The following SEZ6L variants were observed in gnomAD, a reference collection of about 807,000 sequenced individuals.
SEZ6L encodes the protein seizure related 6 homolog like.
SEZ6L carries 37 observed loss-of-function variants against 106.2 expected under a neutral mutation model. The observed-to-expected ratio is 0.35, with a 90% CI of 0.27 to 0.46. SEZ6L has a LOEUF of 0.46. Ranked by LOEUF, SEZ6L falls within the 20% of genes least tolerant of loss-of-function variation. The probability of loss-of-function intolerance (pLI) is 1.00; values close to 1 mark genes in which losing one functional copy is unlikely to be tolerated. For synonymous variants in SEZ6L, 541 were observed against 570.4 expected (o/e 0.95, Z 0.73); for missense variants, 1,172 against 1,332.8 (o/e 0.88, Z 1.88).
At chr22:26,369,557 G>A (rs1298807888) in intron 13 of SEZ6L, among the ~76,000 whole-genome samples, 2 of 151,420 alleles carry the variant, frequency 1.3e-5, no homozygotes, top group Non-Finnish European at 2.9e-5. Context: ...AGCCAGGATG[G>A]TCTCGATCTC....
In SEZ6L at chr22:26,282,200, T is replaced by C. The variant is rs555663462; in HGVS notation, c.95-10206T>C. ...ACACTCTATGTTATTCACCAGTGAC[T>C]TCATCTCATTCCTTTAAACCCTGCA... On this transcript the variant is annotated intron_variant, in intron 1 of 16. Coordinates refer to ENST00000248933, the MANE Select transcript of SEZ6L (RefSeq NM_021115.5). Among the ~76,000 whole-genome samples the C allele has an allele frequency of 7.9e-5, 12 of 152,348 alleles. No individual in the cohort carries two copies. In the South Asian group the frequency reaches 2.3e-3, roughly 29 times the overall value.
chr22:26,208,850 CTGTGTGTGTGTGTGTGTGTG>C (rs35483380), intron 1 of SEZ6L, among the ~76,000 whole-genome samples: 407 of 111,804 alleles, frequency 3.6e-3, no homozygotes, highest in Middle Eastern at 8.8e-3. Flanking sequence ...GACTCTCTCT[CTGTGTGTGTGTGTGTGTGTG>C]TGTGTGTGTG....
chr22:26,318,668 C>T (rs2082073210), intron 9 of SEZ6L, among the ~76,000 whole-genome samples: 1 of 152,082 alleles, frequency 6.6e-6, no homozygotes, highest in South Asian at 2.1e-4. Context: ...TAATTATATC[C>T]TCTTGCTTCC....
chr22:26,224,259 GA>G (rs955243898), intron 1 of SEZ6L, among the ~76,000 whole-genome samples: 1 of 152,218 alleles, frequency 6.6e-6, no homozygotes, highest in African/African-American at 2.4e-5. Flanking sequence ...CTATAACCAA[GA>G]GGGAGTTAGG....
intron 1 of SEZ6L, among the ~76,000 whole-genome samples, chr22:26,264,372 T>A (rs960541224): frequency 4.6e-5 from 7 of 152,250 alleles, no homozygotes; most frequent in Non-Finnish European, 1.0e-4. Context: ...GGCAAATCAC[T>A]TAACCTCTCT....
intron 1 of SEZ6L, among the ~76,000 whole-genome samples, chr22:26,218,795 G>A (rs529124217): frequency 6.6e-6 from 1 of 152,270 alleles, no homozygotes. Flanking sequence ...AAATTAGCCA[G>A]GTGTAGTGGT....
intron 1 of SEZ6L, among the ~76,000 whole-genome samples, chr22:26,290,693 T>G (rs2081082245): frequency 6.6e-6 from 1 of 152,116 alleles, no homozygotes; most frequent in South Asian, 2.1e-4. Flanking sequence ...CAAAATGAAT[T>G]ACAAGAAGTT....
rs1433238701 is a variant in SEZ6L at position 26,296,959 on chromosome 22, C to T, written c.1041C>T (p.Val347=). The change falls in exon 4 of 17, where the codon GTC becomes GTT. Residue 347 remains valine, a synonymous_variant. Coordinates refer to ENST00000248933, the MANE Select transcript of SEZ6L (RefSeq NM_021115.5). The stretch of plus-strand genomic sequence containing the variant: ...GGGTGGACGGCCCTACCCTGACCGT[C>T]CTGGCCAACCAGACACTCCTGGTGG... ...IRGVDGPTLT[V]LANQTLLVEG... is the part of the protein sequence containing the mutation. 3 of 1,614,046 alleles carry T rather than the reference C, an allele frequency of 1.9e-6. No individual in the cohort carries two copies. Among genetic ancestry groups the T allele is most frequent in the Non-Finnish European group, 2.5e-6 (3 of 1,180,018 alleles).
chr22:26,378,971 A>G (rs1652639660), intron 16 of SEZ6L, among the ~76,000 whole-genome samples: 1 of 151,228 alleles, frequency 6.6e-6, no homozygotes, highest in South Asian at 2.1e-4. Context: ...TAGTTTCTAT[A>G]AGTCAGGAAG....
chr22:26,297,948 G>T (rs755209064), intron 4 of SEZ6L, among the ~76,000 whole-genome samples: 9 of 151,712 alleles, frequency 5.9e-5, no homozygotes, highest in Non-Finnish European at 8.8e-5. Flanking sequence ...CTTTCCCTTG[G>T]ATACTTACCA....
intron 12 of SEZ6L, among the ~76,000 whole-genome samples, chr22:26,354,126 C>T (rs184197226): frequency 6.6e-6 from 1 of 151,842 alleles, no homozygotes; most frequent in South Asian, 2.1e-4. Flanking sequence ...GTATCTGTAA[C>T]TGTGACCTTG....
chr22:26,274,306 GACCTTGGATATAGGACCTTGCATATAGA>G (rs71322607), intron 1 of SEZ6L, among the ~76,000 whole-genome samples: 3 of 152,098 alleles, frequency 2.0e-5, no homozygotes, highest in African/African-American at 4.8e-5. Context: ...ATGGATATAG[GACCTTGGATATAGGACCTTGCATATAGA>G]ACCTTGGATA....
chr22:26,171,073 A>G (rs1207156845), intron 1 of SEZ6L, among the ~76,000 whole-genome samples: 1 of 152,168 alleles, frequency 6.6e-6, no homozygotes, highest in East Asian at 1.9e-4. Context: ...CCCCCTCAGC[A>G]TAAATCAGGC....
At chr22:26,287,157 C>T (rs964310310) in intron 1 of SEZ6L, among the ~76,000 whole-genome samples, 1 of 152,052 alleles carries the variant, frequency 6.6e-6, no homozygotes, top group South Asian at 2.1e-4. Context: ...TACGCTGCTG[C>T]CCCAACTTGG....
chr22:26,359,628 G>T lies in SEZ6L; in HGVS notation c.2600-5744G>T, dbSNP rs140988991. On this transcript the variant is annotated intron_variant, in intron 12 of 16. Transcript: ENST00000248933. ...GCCTGGGTAACCTCAGGGTCCTCAG[G>T]ACCCTGTCTTCATAAAAAATTTTTA... 1.5e-4 allele frequency among the ~76,000 whole-genome samples: 23 copies of T among 151,948 alleles called. 1 individual carries two copies. Among genetic ancestry groups the T allele is most frequent in the African/African-American group, 5.3e-4 (22 of 41,446 alleles).
At chr22:26,317,967 T>C (rs1196218750) in intron 9 of SEZ6L, among the ~76,000 whole-genome samples, 1 of 152,088 alleles carries the variant, frequency 6.6e-6, no homozygotes, top group Non-Finnish European at 1.5e-5. Context: ...ATACCGGAAT[T>C]AGAGCTGTTG....
chr22:26,261,683 G>A (rs2080011215), intron 1 of SEZ6L, among the ~76,000 whole-genome samples: 1 of 152,198 alleles, frequency 6.6e-6, no homozygotes, highest in Non-Finnish European at 1.5e-5. Context: ...GACAAGTAGT[G>A]TGTGCCTACT....
chr22:26,172,879 A>G (rs2123758093), intron 1 of SEZ6L, among the ~76,000 whole-genome samples: 1 of 152,334 alleles, frequency 6.6e-6, no homozygotes, highest in East Asian at 1.9e-4. Context: ...GTATTTTTGC[A>G]GTTTTCTTCA....
chr22:26,275,722 A>G (rs531713228), intron 1 of SEZ6L, among the ~76,000 whole-genome samples: 1 of 152,208 alleles, frequency 6.6e-6, no homozygotes, highest in South Asian at 2.1e-4. Flanking sequence ...TTCTGCCTTT[A>G]CAGAAGTTAT....
Sources: gnomAD v4.1 joint callset for allele counts (sites outside exome capture counted in the v4.1 genomes callset) on GRCh38, gnomAD v4.1.1 for gene constraint, MANE v1.5 for transcripts, NCBI Gene and HGNC (gene_info 2026-07-23, HGNC 2026-07-21) for gene names.